PLCB4: variants seen among roughly 807,000 people sequenced by gnomAD.
PLCB4 encodes the protein phospholipase C beta 4, also known as 1-phosphatidylinositol 4,5-bisphosphate phosphodiesterase beta-4.
Under a neutral mutation model 178.8 loss-of-function variants are expected in PLCB4, and 77 were observed. The observed-to-expected ratio is 0.43, with a 90% CI of 0.36 to 0.52. The LOEUF is 0.52. PLCB4 is among the 20% of genes least tolerant of loss of function. The pLI is 0.00. For synonymous variants in PLCB4, 496 were observed against 490.8 expected, an observed-to-expected ratio of 1.01 and a Z score of -0.14; for missense variants, 1,024 against 1,453.4, an observed-to-expected ratio of 0.70 and a Z score of 4.80.
At position 9,123,420 on chromosome 20, in the gene PLCB4, C is replaced by CTT. The variant is rs11087837; in HGVS notation, c.-79+27090_-79+27091dup. ...TTTAAGAAACTCCTGGAAATCTCCTCTTTTTTTTTTTTTATATATATTTCA... is the reference window on the plus strand; with the variant it reads ...TTTAAGAAACTCCTGGAAATCTCCTCTTTTTTTTTTTTTTTATATATATTTCA... On this transcript the variant is annotated intron_variant, in intron 2 of 39. Coordinates refer to ENST00000378473, the MANE Select transcript of PLCB4 (RefSeq NM_001377142.1). 3.4e-3 allele frequency among the ~76,000 whole-genome samples: 492 copies of CTT among 144,288 alleles called. 1 individual carries two copies. Among genetic ancestry groups the CTT allele is most frequent in the East Asian group, 6.9e-3 (34 of 4,910 alleles). 94.7% of individuals were successfully genotyped at this position (144,288 alleles called of 152,430 possible).
chr20:9,160,529 C>A (rs988017961), intron 2 of PLCB4, among the ~76,000 whole-genome samples: 35 of 152,132 alleles, frequency 2.3e-4, no homozygotes, highest in African/African-American at 8.0e-4. Context: ...AAATATGTGC[C>A]TGTGTGTGTG....
intron 2 of PLCB4, among the ~76,000 whole-genome samples, chr20:9,108,637 T>TC (rs1047476707): frequency 6.6e-6 from 1 of 151,498 alleles, no homozygotes; most frequent in African/African-American, 2.4e-5. Flanking sequence ...AACAAGATCT[T>TC]CTTTTTTTTT....
intron 30 of PLCB4, among the ~76,000 whole-genome samples, chr20:9,439,719 C>A (rs1181785918): frequency 6.6e-6 from 1 of 152,182 alleles, no homozygotes; most frequent in Admixed American, 6.5e-5. Flanking sequence ...CTCATTACTT[C>A]TTCAGCAGTG....
chr20:9,415,727 G>A (rs2040196740), intron 25 of PLCB4, among the ~76,000 whole-genome samples: 1 of 152,234 alleles, frequency 6.6e-6, no homozygotes, highest in Non-Finnish European at 1.5e-5. Context: ...AGGGCCCAAT[G>A]CAGAATGAAA....
intron 3 of PLCB4, among the ~76,000 whole-genome samples, chr20:9,255,797 T>G (rs1169479971): frequency 6.6e-6 from 1 of 152,102 alleles, no homozygotes; most frequent in East Asian, 1.9e-4. Context: ...AGTACATAAA[T>G]GAAGTTGTGG....
At chr20:9,075,878 T>A (rs776010157) in intron 1 of PLCB4, among the ~76,000 whole-genome samples, 1 of 152,226 alleles carries the variant, frequency 6.6e-6, no homozygotes, top group Admixed American at 6.5e-5. Context: ...AAAGCATGTT[T>A]GTGGTTTGAC....
Position 9,426,321 on chromosome 20 carries a change from C to G in PLCB4, c.2524+2369C>G, listed in dbSNP as rs147525274. Among the ~76,000 whole-genome samples the G allele has an allele frequency of 1.8e-4, 27 of 152,254 alleles. No individual in the cohort carries two copies. In the East Asian group the frequency reaches 4.8e-3, roughly 27 times the overall value. On this transcript the variant is annotated intron_variant, in intron 28 of 39. Coordinates refer to ENST00000378473, the MANE Select transcript of PLCB4 (RefSeq NM_001377142.1). ...CACAGAGGATCAAATGAGGGTCACT[C>G]ACAAATCTGCTGCCCAGAGACAGCT...
chr20:9,330,612 T>A (rs965856371), intron 4 of PLCB4, among the ~76,000 whole-genome samples: 1 of 152,234 alleles, frequency 6.6e-6, no homozygotes, highest in Admixed American at 6.5e-5. Context: ...CTGAACCTTT[T>A]TCCCCCCTTC....
At chr20:9,197,709 C>T (rs953229375) in intron 2 of PLCB4, among the ~76,000 whole-genome samples, 5 of 152,228 alleles carry the variant, frequency 3.3e-5, no homozygotes, top group Non-Finnish European at 7.3e-5. Flanking sequence ...GGCGCGGTGG[C>T]GCATGCCTGT....
intron 3 of PLCB4, among the ~76,000 whole-genome samples, chr20:9,280,039 C>A (rs1476574745): frequency 6.6e-6 from 1 of 151,962 alleles, no homozygotes; most frequent in Non-Finnish European, 1.5e-5. Flanking sequence ...GCCAGCCAAC[C>A]CTTTTTGTAT....
At chr20:9,388,481 G>C (rs1305678624) in intron 15 of PLCB4, among the ~76,000 whole-genome samples, 2 of 152,180 alleles carry the variant, frequency 1.3e-5, no homozygotes, top group Admixed American at 6.5e-5. Flanking sequence ...CACTTTGGGA[G>C]GTGGAGGCAG....
chr20:9,406,164 G>A (rs1338833666), intron 21 of PLCB4, among the ~76,000 whole-genome samples: 1 of 151,998 alleles, frequency 6.6e-6, no homozygotes, highest in Non-Finnish European at 1.5e-5. Context: ...AATTCTCAAG[G>A]CATCAATCTT....
At chr20:9,211,564 ATCACTTTT>A (rs2093673462) in intron 2 of PLCB4, among the ~76,000 whole-genome samples, 1 of 152,186 alleles carries the variant, frequency 6.6e-6, no homozygotes, top group Non-Finnish European at 1.5e-5. Flanking sequence ...TTATTCCTGA[ATCACTTTT>A]ATGGATTTGG....
At chr20:9,222,081 ATTTTATTTTATT>A (rs1348999608) in intron 3 of PLCB4, among the ~76,000 whole-genome samples, 2 of 110,908 alleles carry the variant, frequency 1.8e-5, no homozygotes, top group Admixed American at 8.4e-5. Flanking sequence ...ATTTTATTTT[ATTTTATTTTATT>A]TTATTTTATT....
At chr20:9,363,311 C>T (rs144949520) in intron 8 of PLCB4, among the ~76,000 whole-genome samples, 5 of 152,232 alleles carry the variant, frequency 3.3e-5, no homozygotes, top group African/African-American at 9.6e-5. Flanking sequence ...CTGGAGCCAT[C>T]GCTGAGTGCT....
intron 2 of PLCB4, among the ~76,000 whole-genome samples, chr20:9,176,210 T>C: frequency 6.6e-6 from 1 of 152,224 alleles, no homozygotes; most frequent in East Asian, 1.9e-4. Context: ...TGCTGAGTAA[T>C]ATTCAATTGT....
At chr20:9,443,867 T>C (rs1336108348) in intron 30 of PLCB4, 114 bp from the exon 31 acceptor site, 2 of 644,006 alleles carry the variant, frequency 3.1e-6, no homozygotes, top group Non-Finnish European at 5.5e-6. Context: ...ATTCATCATA[T>C]GTAAAGCTGC....
intron 28 of PLCB4, among the ~76,000 whole-genome samples, chr20:9,427,239 A>G (rs1314156862): frequency 6.6e-6 from 1 of 152,058 alleles, no homozygotes; most frequent in African/African-American, 2.4e-5. Context: ...AACAACAACA[A>G]CAACAAAATA....
chr20:9,429,160 T>C (rs2041227407), intron 28 of PLCB4, among the ~76,000 whole-genome samples: 1 of 152,166 alleles, frequency 6.6e-6, no homozygotes, highest in Non-Finnish European at 1.5e-5. Context: ...TGGTTTCTTT[T>C]AAAAAGAGAG....
Sources: allele counts gnomAD v4.1 joint callset (sites outside exome capture counted in the v4.1 genomes callset), GRCh38; gene constraint gnomAD v4.1.1; transcripts MANE v1.5; gene names NCBI Gene and HGNC (gene_info 2026-07-23, HGNC 2026-07-21).